The following SPATA22 variants were observed in gnomAD, a reference collection of about 807,000 sequenced individuals.
SPATA22 encodes the protein spermatogenesis-associated protein 22.
Under a neutral mutation model 47.8 loss-of-function variants are expected in SPATA22, and 29 were observed. That is an observed-to-expected ratio of 0.61 (90% CI 0.45 to 0.83). The LOEUF (loss-of-function observed/expected upper bound fraction) is 0.83. SPATA22 is among the 40% of genes least tolerant of loss of function. The pLI is 0.00. For synonymous variants in SPATA22, 133 were observed against 140.9 expected, an observed-to-expected ratio of 0.94 and a Z score of 0.40; for missense variants, 410 against 421.7, an observed-to-expected ratio of 0.97 and a Z score of 0.24.
Position 3,467,413 on chromosome 17 carries a change from T to C in SPATA22, c.172+13A>G. On this transcript the variant is annotated intron_variant, in intron 3 of 8. Coordinates refer to ENST00000572969, the MANE Select transcript of SPATA22 (RefSeq NM_001170698.2). Reference sequence around the variant, plus strand: ...GTATTTCCTGAAAATTTTTACCTTATTAATTTTCTTACCTGTAGGTAGAGG... The same window carrying C: ...GTATTTCCTGAAAATTTTTACCTTACTAATTTTCTTACCTGTAGGTAGAGG... 6.4e-7 allele frequency: 1 copy of C among 1,570,598 alleles called. No homozygotes were observed.
chr17:3,499,192 CT>C, intron 1 of SPATA22: 7 of 1,230,014 alleles, frequency 5.7e-6, no homozygotes, highest in Non-Finnish European at 8.0e-6. Context: ...TACATAGCTC[CT>C]AGCACAGTGC....
intron 1 of SPATA22, chr17:3,489,269 G>A: frequency 6.2e-7 from 1 of 1,613,058 alleles, no homozygotes. Context: ...AAGGGGTTCT[G>A]AGAGCTGATA....
At chr17:3,461,985 C>G (rs2150721889) in intron 5 of SPATA22, among the ~76,000 whole-genome samples, 1 of 152,230 alleles carries the variant, frequency 6.6e-6, no homozygotes, top group Non-Finnish European at 1.5e-5. Context: ...TCTTTTTGAC[C>G]AGCTTCTTCA....
chr17:3,454,239 A>C (rs1280243974), intron 5 of SPATA22, among the ~76,000 whole-genome samples: 2 of 150,990 alleles, frequency 1.3e-5, no homozygotes, highest in Non-Finnish European at 3.0e-5. Flanking sequence ...AAATAAATGA[A>C]AAATCCTGTG....
chr17:3,487,046 G>A (rs975836273), intron 1 of SPATA22, among the ~76,000 whole-genome samples: 5 of 147,060 alleles, frequency 3.4e-5, no homozygotes, highest in African/African-American at 1.0e-4. Context: ...ATATTTGTGT[G>A]TGTGTGTGTG....
intron 1 of SPATA22, among the ~76,000 whole-genome samples, chr17:3,503,585 T>G (rs186092896): frequency 2.0e-5 from 3 of 152,320 alleles, no homozygotes; most frequent in Non-Finnish European, 4.4e-5. Flanking sequence ...TTGTAAAATT[T>G]ACAGTGTACA....
At position 3,457,614 on chromosome 17, in the gene SPATA22, C is replaced by T. The variant is rs901436822; in HGVS notation, c.329+4869G>A. ...CTACAGTAATCAAAACAGTATGGTA[C>T]TGGTATTAAAACAGGCACATAGATC... is the stretch of plus-strand genomic sequence containing the variant. On this transcript the variant is annotated intron_variant, in intron 5 of 8. Transcript: ENST00000572969. Among the ~76,000 whole-genome samples, 8 of 151,800 alleles carry T rather than the reference C, an allele frequency of 5.3e-5. No individual in the cohort carries two copies. The East Asian group carries it at 1.5e-3, about 29-fold the overall frequency.
At chr17:3,449,221 A>T in intron 5 of SPATA22, 72 bp from the exon 6 acceptor site, 1 of 1,149,276 alleles carries the variant, frequency 8.7e-7, no homozygotes, top group Non-Finnish European at 1.2e-6. Context: ...AATAATGAAA[A>T]ATTCATTTAT....
chr17:3,490,952 G>A lies in SPATA22; in HGVS notation c.-73-21554C>T, dbSNP rs561858698. Reference sequence around the variant, plus strand: ...CGGCAAATCAAAAATTGTCAACCACGATTAATTTAGACTATCCAGCTTGGT... The same window carrying A: ...CGGCAAATCAAAAATTGTCAACCACAATTAATTTAGACTATCCAGCTTGGT... On this transcript the variant is annotated intron_variant, in intron 1 of 8. Coordinates refer to the SPATA22 transcript ENST00000541913. The surrounding 1 kb of genome is among the most constrained non-coding windows in gnomAD (Gnocchi z 4.6). Among the ~76,000 whole-genome samples, 20 of 152,256 alleles carry A rather than the reference G, an allele frequency of 1.3e-4. No homozygotes were observed. Among genetic ancestry groups the A allele is most frequent in the South Asian group, 6.2e-4 (3 of 4,826 alleles).
Position 3,465,208 on chromosome 17 carries a change from C to T in SPATA22, c.172+2218G>A, listed in dbSNP as rs1485397018. Among the ~76,000 whole-genome samples, 129 of 129,584 alleles carry T rather than the reference C, an allele frequency of 1.0e-3. 1 individual carries two copies. The highest frequency in any genetic ancestry group is 4.5e-3 in the Middle Eastern group (1 of 220). 85.0% of individuals were successfully genotyped at this position (129,584 alleles called of 152,430 possible). A position where few individuals can be genotyped will look rare whatever the true frequency, so the allele number is the denominator to read the frequency against. ...CGCCTCGTCCAGGAGGTGAGGGGCG[C>T]CTCTGCCCGGCCGCCCCTACTGGGA... On this transcript the variant is annotated intron_variant, in intron 3 of 8. Coordinates refer to ENST00000572969, the MANE Select transcript of SPATA22 (RefSeq NM_001170698.2).
At chr17:3,467,694 A>G (rs1290551912) in intron 2 of SPATA22, 140 bp from the exon 3 acceptor site, 1 of 643,600 alleles carries the variant, frequency 1.6e-6, no homozygotes, top group African/African-American at 1.9e-5. Flanking sequence ...ATAACCTTAG[A>G]ATGATTTTTA....
upstream of SPATA22, among the ~76,000 whole-genome samples, chr17:3,472,698 A>T (rs528623995): frequency 1.3e-5 from 2 of 152,340 alleles, no homozygotes; most frequent in Admixed American, 1.3e-4. Flanking sequence ...TTGTTACCGT[A>T]TCTTCTAACC....
chr17:3,480,646 A>T (rs925430335), intron 1 of SPATA22, among the ~76,000 whole-genome samples: 1 of 151,946 alleles, frequency 6.6e-6, no homozygotes. Context: ...CAGCTGCATG[A>T]CTCCTAAACC....
intron 1 of SPATA22, among the ~76,000 whole-genome samples, chr17:3,471,012 G>A (rs1240403402): frequency 6.6e-6 from 1 of 151,922 alleles, no homozygotes; most frequent in Non-Finnish European, 1.5e-5. Context: ...AAAATTAGCC[G>A]GGCATGGTGG....
intron 1 of SPATA22, among the ~76,000 whole-genome samples, chr17:3,505,545 T>C (rs1049309841): frequency 2.6e-5 from 4 of 151,802 alleles, no homozygotes; most frequent in Non-Finnish European, 2.9e-5. Context: ...AGTGCTCCAA[T>C]AGGAGGAGCA....
At chr17:3,445,745 T>C (rs1253433625) in intron 7 of SPATA22, among the ~76,000 whole-genome samples, 1 of 152,126 alleles carries the variant, frequency 6.6e-6, no homozygotes, top group Non-Finnish European at 1.5e-5. Flanking sequence ...AGGTGAAAGT[T>C]AAACATGTGA....
chr17:3,484,126 G>A (rs765907054), intron 1 of SPATA22, among the ~76,000 whole-genome samples: 4 of 152,058 alleles, frequency 2.6e-5, no homozygotes, highest in African/African-American at 9.7e-5. Context: ...GTAATGCTTG[G>A]CCCTTCTATT....
Position 3,449,008 on chromosome 17 carries a change from T to C in SPATA22, c.471A>G (p.Gln157=), listed in dbSNP as rs1371092594. The change falls in exon 6 of 9, where the codon CAA becomes CAG. Residue 157 remains glutamine (Q), a synonymous_variant. Coordinates refer to ENST00000572969, the MANE Select transcript of SPATA22 (RefSeq NM_001170698.2). Reference sequence around the variant, plus strand: ...AGTTAGGAGGTTCAGGTATTCTTAATTGTTTTTGTTGTTGAGCTCCCGAAC... The same window carrying C: ...AGTTAGGAGGTTCAGGTATTCTTAACTGTTTTTGTTGTTGAGCTCCCGAAC... The part of the protein sequence containing the change: ...PVSSGAQQQK[Q]LRIPEPPNLS... 2 of 1,614,046 alleles carry C rather than the reference T, an allele frequency of 1.2e-6. No individual in the cohort carries two copies. The highest frequency in any genetic ancestry group is 1.1e-5 in the South Asian group (1 of 91,082).
At chr17:3,491,776 T>C (rs756645067) in intron 1 of SPATA22, among the ~76,000 whole-genome samples, 3 of 150,012 alleles carry the variant, frequency 2.0e-5, no homozygotes, top group African/African-American at 4.9e-5. Context: ...GAAAGAAGTC[T>C]ACATTAGAAA....
Sources: allele counts gnomAD v4.1 joint callset (sites outside exome capture counted in the v4.1 genomes callset), GRCh38; gene constraint gnomAD v4.1.1; non-coding constraint Gnocchi (gnomAD v3.1); transcripts MANE v1.5; gene names NCBI Gene and HGNC (gene_info 2026-07-23, HGNC 2026-07-21).